The following WDR26 variants were observed in gnomAD, a reference collection of about 807,000 sequenced individuals.
WDR26 encodes the protein WD repeat-containing protein 26.
WDR26 carries 5 observed loss-of-function variants against 84.1 expected under a neutral mutation model. The observed-to-expected ratio is 0.06, with a 90% CI of 0.03 to 0.13. The LOEUF is 0.13. Ranked by LOEUF, WDR26 falls within the 10% of genes least tolerant of loss-of-function variation. WDR26 has a pLI of 1.00. For synonymous variants in WDR26, 415 were observed against 389.6 expected (o/e 1.07, Z -0.77); for missense variants, 642 against 974.9 (o/e 0.66, Z 4.55).
chr1:224,399,819 ATC>A (rs907604819), intron 9 of WDR26, among the ~76,000 whole-genome samples: 3 of 152,188 alleles, frequency 2.0e-5, no homozygotes, highest in Non-Finnish European at 4.4e-5. Context: ...TAAAAAATTG[ATC>A]TGGGGTCGGG....
intron 6 of WDR26, among the ~76,000 whole-genome samples, chr1:224,416,227 CTTTCT>C (rs1673898836): frequency 6.6e-6 from 1 of 151,170 alleles, no homozygotes; most frequent in Non-Finnish European, 1.5e-5. Flanking sequence ...CTGCTTTTTT[CTTTCT>C]TTTTTTTTTT....
chr1:224,432,884 G>C (rs939523452), intron 1 of WDR26, among the ~76,000 whole-genome samples: 2 of 152,140 alleles, frequency 1.3e-5, no homozygotes, highest in Non-Finnish European at 2.9e-5. Context: ...ACAAAACGGT[G>C]GTTTTTGTCC....
intron 6 of WDR26, among the ~76,000 whole-genome samples, chr1:224,411,959 ACCACTGCACT>A (rs1381001700): frequency 2.6e-5 from 4 of 152,062 alleles, no homozygotes; most frequent in Non-Finnish European, 5.9e-5. Flanking sequence ...TTATGACTGC[ACCACTGCACT>A]CCAGCCTGGG....
At chr1:224,397,229 A>G (rs1673291768) in intron 12 of WDR26, among the ~76,000 whole-genome samples, 1 of 152,190 alleles carries the variant, frequency 6.6e-6, no homozygotes, top group Non-Finnish European at 1.5e-5. Flanking sequence ...GGCCTCAAGC[A>G]GTACTCCCAT....
At position 224,389,301 on chromosome 1, in the gene WDR26, G is replaced by A. The variant is rs183469356; in HGVS notation, c.*534C>T. ...TCTGGATCAGTATATACTGCGCAAC[G>A]GGCAAGGCTAGAATCCATGAACCAA... On this transcript the variant is annotated 3_prime_UTR_variant, in exon 14 of 14. Coordinates refer to ENST00000414423, the MANE Select transcript of WDR26 (RefSeq NM_001379403.1). 1.3e-4 allele frequency: 24 copies of A among 188,490 alleles called. No individual in the cohort carries two copies. Among genetic ancestry groups the A allele is most frequent in the Admixed American group, 7.9e-4 (13 of 16,410 alleles). 11.7% of individuals were successfully genotyped at this position (188,490 alleles called of 1,614,324 possible).
At chr1:224,412,385 C>G (rs950320684) in intron 6 of WDR26, among the ~76,000 whole-genome samples, 3 of 152,228 alleles carry the variant, frequency 2.0e-5, no homozygotes, top group South Asian at 2.1e-4. Flanking sequence ...ATTAAATTAA[C>G]CTCTCTAAAT....
intron 3 of WDR26, chr1:224,429,300 C>G (rs1674319438): frequency 6.7e-6 from 1 of 149,900 alleles, no homozygotes; most frequent in African/African-American, 2.5e-5. Context: ...ACAAAAAAAA[C>G]AAAGGGAGTA....
intron 12 of WDR26, among the ~76,000 whole-genome samples, chr1:224,396,305 T>C (rs548137309): frequency 6.6e-6 from 1 of 152,270 alleles, no homozygotes; most frequent in East Asian, 1.9e-4. Flanking sequence ...TAAGTACCTC[T>C]AGGGTACACA....
At chr1:224,433,622 A>ACCCCCCCCCCCCCCCCC in intron 1 of WDR26, 62 bp downstream of exon 1, 1 of 852,368 alleles carries the variant, frequency 1.2e-6, no homozygotes, top group Non-Finnish European at 1.4e-6. Context: ...CCCTTCCCCT[A>ACCCCCCCCCCCCCCCCC]CCCCCCTGGA....
rs774580887 is a variant in WDR26 at position 224,389,856 on chromosome 1, T to C, written c.2265A>G (p.Glu755=). The C allele has an allele frequency of 3.9e-6, 6 of 1,521,740 alleles. No individual in the cohort carries two copies. Among genetic ancestry groups the C allele is most frequent in the African/African-American group, 3.1e-5 (2 of 65,032 alleles). The allele number at this position is 1,521,740 out of a possible 1,614,324, so 94.3% of individuals were successfully genotyped here. ...ACCATCAACTATCCATGCTACTGCATTCCTCTGAATGAAGACAAGATGAAA... is the reference window on the plus strand; with the variant it reads ...ACCATCAACTATCCATGCTACTGCACTCCTCTGAATGAAGACAAGATGAAA... Residue 755 remains glutamate (E), a synonymous_variant, in exon 14 of 14, where the codon GAA becomes GAG. Coordinates refer to ENST00000414423, the MANE Select transcript of WDR26 (RefSeq NM_001379403.1).
chr1:224,407,137 A>T lies in WDR26; in HGVS notation c.1459-2567T>A, dbSNP rs1417718221. ...ACTCTGTCTTTAAAAAAAAAAAAAA[A>T]AAAAAAAAAAAAAAATATATATATA... On this transcript the variant is annotated intron_variant, in intron 7 of 13. Coordinates refer to ENST00000414423, the MANE Select transcript of WDR26 (RefSeq NM_001379403.1). 1.1e-3 allele frequency among the ~76,000 whole-genome samples: 43 copies of T among 38,470 alleles called. 1 individual carries two copies. In the East Asian group the frequency reaches 0.017, roughly 15 times the overall value. 25.2% of individuals were successfully genotyped at this position (38,470 alleles called of 152,430 possible).
At chr1:224,429,398 T>C (rs1460303745) in intron 3 of WDR26, 5 of 152,178 alleles carry the variant, frequency 3.3e-5, no homozygotes, top group African/African-American at 1.2e-4. Context: ...CCATCAAATG[T>C]GTCTGGGTAT....
intron 9 of WDR26, among the ~76,000 whole-genome samples, chr1:224,400,290 G>GTT (rs5781365): frequency 1.5e-3 from 218 of 146,480 alleles, no homozygotes; most frequent in Admixed American, 1.7e-3. Context: ...AAAATTCAGT[G>GTT]TTTTTTTTTT....
At chr1:224,430,242 T>G (rs1470261733) in intron 3 of WDR26, 1 of 152,194 alleles carries the variant, frequency 6.6e-6, no homozygotes, top group African/African-American at 2.4e-5. Context: ...TTAACTTCTG[T>G]TTTTATTTTT....
rs1206452014 is a variant in WDR26 at position 224,388,636 on chromosome 1, C to T, written c.*1199G>A. On this transcript the variant is annotated 3_prime_UTR_variant, in exon 14 of 14. Transcript: ENST00000414423. ...AAAAATATTCTTTAAATTTATGTAT[C>T]CCTATATGTCAAAATATTAAGGGCA... 6.6e-6 allele frequency: 1 copy of T among 152,486 alleles called. No homozygotes were observed. The highest frequency in any genetic ancestry group is 6.6e-5 in the Admixed American group (1 of 15,254). 9.4% of individuals were successfully genotyped at this position (152,486 alleles called of 1,614,324 possible). A position where few individuals can be genotyped will look rare whatever the true frequency, so the allele number is the denominator to read the frequency against.
intron 12 of WDR26, among the ~76,000 whole-genome samples, chr1:224,397,230 G>A (rs534737493): frequency 6.6e-6 from 1 of 152,254 alleles, no homozygotes; most frequent in East Asian, 1.9e-4. Context: ...GCCTCAAGCA[G>A]TACTCCCATC....
intron 9 of WDR26, 57 bp downstream of exon 9, chr1:224,400,893 A>C: frequency 6.3e-7 from 1 of 1,591,054 alleles, no homozygotes. Flanking sequence ...TTGTTTAAAC[A>C]AAAGTACATT....
At chr1:224,401,831 T>C (rs532822389) in intron 8 of WDR26, among the ~76,000 whole-genome samples, 1 of 152,104 alleles carries the variant, frequency 6.6e-6, no homozygotes, top group East Asian at 1.9e-4. Flanking sequence ...GAAAAAAACA[T>C]TTTTCTGATA....
chr1:224,418,410 A>G lies in WDR26; in HGVS notation c.1169T>C (p.Leu390Ser). ...TGGGGGAAGCATCACTGATGGTGGT[A>G]AATAGGCTTTAATAGAAGATATTTT... is the stretch of plus-strand genomic sequence containing the variant. The change falls in exon 6 of 14, where the codon TTA becomes TCA. Residue 390 changes from leucine (L) to serine (S), a missense_variant. Leu to Ser is a moderately radical substitution (Grantham distance 145). This residue lies in a region of WDR26 where 351 missense variants were observed against 672.8 expected (regional missense o/e 0.52). Coordinates refer to ENST00000414423, the MANE Select transcript of WDR26 (RefSeq NM_001379403.1). The G allele has an allele frequency of 6.2e-7, 1 of 1,601,448 alleles. No homozygotes were observed. Among genetic ancestry groups the G allele is most frequent in the Admixed American group, 1.8e-5 (1 of 56,076 alleles).
Sources: gnomAD v4.1 joint callset for allele counts (sites outside exome capture counted in the v4.1 genomes callset) on GRCh38, gnomAD v4.1.1 for gene constraint, gnomAD v4.1.1 regional missense constraint, MANE v1.5 for transcripts, NCBI Gene and HGNC (gene_info 2026-07-23, HGNC 2026-07-21) for gene names.